LYPLAL1: variants seen among roughly 807,000 people sequenced by gnomAD.
LYPLAL1 encodes lysophospholipase-like protein 1.
A neutral mutation model predicts 19.7 loss-of-function variants in LYPLAL1; 23 were observed. The observed-to-expected ratio is 1.17, with a 90% confidence interval of 0.84 to 1.65. The LOEUF (loss-of-function observed/expected upper bound fraction) is 1.65. Ranked by LOEUF, LYPLAL1 falls within the 40% of genes most tolerant of loss-of-function variation. The pLI is 0.00. For synonymous variants in LYPLAL1, 119 were observed against 96.3 expected, an observed-to-expected ratio of 1.24 and a Z score of -1.38; for missense variants, 355 against 279.4, an observed-to-expected ratio of 1.27 and a Z score of -1.93.
the LYPLAL1 span, among the ~76,000 whole-genome samples, chr1:219,229,294 T>TGAGAGAGAGAGAGAGAGAGAGAGAGA: frequency 1.1e-4 from 14 of 133,020 alleles, no homozygotes; most frequent in African/African-American, 4.0e-4. Context: ...ACAAGCATTT[T>TGAGAGAGAGAGAGAGAGAGAGAGAGA]GAGAGAGAGA....
At chr1:219,208,032 TTTA>T (rs1403020045) in intron 3 of LYPLAL1, among the ~76,000 whole-genome samples, 1 of 151,998 alleles carries the variant, frequency 6.6e-6, no homozygotes, top group Admixed American at 6.6e-5. Context: ...GAGATGTAGT[TTTA>T]TTATTAACAG....
chr1:219,432,894 A>G, the LYPLAL1 span, among the ~76,000 whole-genome samples: 9 of 152,302 alleles, frequency 5.9e-5, no homozygotes, highest in Admixed American at 5.2e-4. Context: ...GGTAAGAGAG[A>G]ATACTCACAC....
At chr1:219,183,588 T>G (rs1656470035) in intron 2 of LYPLAL1, among the ~76,000 whole-genome samples, 1 of 152,000 alleles carries the variant, frequency 6.6e-6, no homozygotes, top group Admixed American at 6.6e-5. Context: ...TTCTTTCAAG[T>G]CAACTCCCAT....
chr1:219,315,321 G>T, the LYPLAL1 span, among the ~76,000 whole-genome samples: 7 of 152,020 alleles, frequency 4.6e-5, no homozygotes, highest in Non-Finnish European at 1.0e-4. Flanking sequence ...TAGGACTTTT[G>T]ACTGATTAGG....
chr1:219,403,085 AATTTCATGTTGTGACT>A, the LYPLAL1 span, among the ~76,000 whole-genome samples: 5 of 152,200 alleles, frequency 3.3e-5, no homozygotes, highest in African/African-American at 1.2e-4. Flanking sequence ...GGCAGAAACC[AATTTCATGTTGTGACT>A]ACAAGTCATC....
rs562438760 is a variant in LYPLAL1 at position 219,211,703 on chromosome 1, C to A, written c.689C>A (p.Pro230Gln). The change falls in exon 5 of 5, where the codon CCA (proline) becomes CAA (glutamine). Residue 230 changes from proline (P) to glutamine (Q), a missense_variant. Transcript: ENST00000366928. ...ILKLWILTKLPGEMEKQK is the reference protein window; with the variant it reads ...ILKLWILTKLQGEMEKQK ...AAGTTATGGATTCTTACAAAGCTGCCAGGAGAAATGGAAAAACAAAAATGA... is the reference window on the plus strand; with the variant it reads ...AAGTTATGGATTCTTACAAAGCTGCAAGGAGAAATGGAAAAACAAAAATGA... The A allele has an allele frequency of 4.4e-6, 7 of 1,605,910 alleles. No individual in the cohort carries two copies. Among genetic ancestry groups the A allele is most frequent in the African/African-American group, 4.0e-5 (3 of 74,580 alleles).
chr1:219,443,555 T>C, the LYPLAL1 span, among the ~76,000 whole-genome samples: 1 of 152,292 alleles, frequency 6.6e-6, no homozygotes, highest in South Asian at 2.1e-4. Flanking sequence ...TCCTTACTTA[T>C]CTTGGACAAT....
At chr1:219,400,260 C>T in the LYPLAL1 span, among the ~76,000 whole-genome samples, 10 of 152,064 alleles carry the variant, frequency 6.6e-5, no homozygotes, top group Non-Finnish European at 1.5e-4. Flanking sequence ...GCAGCTGTTC[C>T]ATGTGGCAGC....
chr1:219,207,094 A>G (rs2378200), intron 3 of LYPLAL1, among the ~76,000 whole-genome samples: 147,123 of 152,116 alleles, frequency 0.97, 71,348 homozygotes, highest in East Asian at 1. Context: ...GGTCACACTA[A>G]CATATTTCAA....
At chr1:219,260,983 T>C in the LYPLAL1 span, among the ~76,000 whole-genome samples, 1 of 151,994 alleles carries the variant, frequency 6.6e-6, no homozygotes, top group Non-Finnish European at 1.5e-5. Flanking sequence ...CTTTCAATAA[T>C]CCTTGGGTCA....
intron 2 of LYPLAL1, among the ~76,000 whole-genome samples, chr1:219,184,056 G>C (rs908304139): frequency 6.6e-6 from 1 of 151,720 alleles, no homozygotes. Flanking sequence ...TTGCATTTAC[G>C]TGTAAATTTT....
At chr1:219,401,601 T>C in the LYPLAL1 span, among the ~76,000 whole-genome samples, 3 of 152,064 alleles carry the variant, frequency 2.0e-5, no homozygotes, top group Non-Finnish European at 4.4e-5. Flanking sequence ...ATGAAGTACT[T>C]TATATGTCAA....
At chr1:219,248,975 A>G in the LYPLAL1 span, among the ~76,000 whole-genome samples, 2 of 152,072 alleles carry the variant, frequency 1.3e-5, no homozygotes, top group Non-Finnish European at 2.9e-5. Context: ...GTACCCCTTC[A>G]CAAATTGTCC....
the LYPLAL1 span, among the ~76,000 whole-genome samples, chr1:219,257,983 A>G: frequency 5.7e-4 from 87 of 152,048 alleles, no homozygotes; most frequent in Non-Finnish European, 2.5e-4. Context: ...TATTAATATT[A>G]CTTGCTGGGA....
the LYPLAL1 span, among the ~76,000 whole-genome samples, chr1:219,373,892 A>AAAAAAC: frequency 6.6e-6 from 1 of 150,434 alleles, no homozygotes; most frequent in African/African-American, 2.4e-5. Flanking sequence ...CAAAAAAAAA[A>AAAAAAC]ACACAAAAAC....
the LYPLAL1 span, among the ~76,000 whole-genome samples, chr1:219,329,286 A>G: frequency 6.6e-6 from 1 of 152,348 alleles, no homozygotes; most frequent in East Asian, 1.9e-4. Context: ...AAATAAAATC[A>G]TAAATATGAA....
At chr1:219,247,171 G>C in the LYPLAL1 span, among the ~76,000 whole-genome samples, 1 of 152,132 alleles carries the variant, frequency 6.6e-6, no homozygotes, top group Non-Finnish European at 1.5e-5. Context: ...TACTTCTTAA[G>C]CAAAATCAAA....
At chr1:219,289,075 T>TTTG in the LYPLAL1 span, among the ~76,000 whole-genome samples, 4 of 119,450 alleles carry the variant, frequency 3.3e-5, no homozygotes, top group Admixed American at 9.8e-5. Context: ...TACCTCTTGT[T>TTTG]TTGTTTTTTT....
At chr1:219,346,803 C>A in the LYPLAL1 span, among the ~76,000 whole-genome samples, 1 of 152,204 alleles carries the variant, frequency 6.6e-6, no homozygotes, top group African/African-American at 2.4e-5. Context: ...AGCTGGAGAC[C>A]AAGGTGGAAA....
Sources: gnomAD v4.1 joint callset for allele counts (sites outside exome capture counted in the v4.1 genomes callset) on GRCh38, gnomAD v4.1.1 for gene constraint, MANE v1.5 for transcripts, NCBI Gene and HGNC (gene_info 2026-07-23, HGNC 2026-07-21) for gene names.